SEMA5A: variants seen among roughly 807,000 people sequenced by gnomAD.
The protein encoded by SEMA5A is semaphorin-5A.
Under a neutral mutation model 135.5 loss-of-function variants are expected in SEMA5A, and 55 were observed. That is an observed-to-expected ratio of 0.41 (90% CI 0.33 to 0.51). The LOEUF (loss-of-function observed/expected upper bound fraction) is 0.51, where lower values mean the gene tolerates loss of function less well. SEMA5A is among the 20% of genes least tolerant of loss of function. SEMA5A has a pLI of 0.37. For missense variants in SEMA5A, 1,290 were observed against 1,419.9 expected (o/e 0.91, Z 1.47); for synonymous variants, 580 against 546.5 (o/e 1.06, Z -0.85).
At chr5:9,353,070 A>AAAGGAAAGG (rs1754204655) in intron 3 of SEMA5A, among the ~76,000 whole-genome samples, 1 of 18,150 alleles carries the variant, frequency 5.5e-5, no homozygotes, top group Non-Finnish European at 9.3e-5. Flanking sequence ...GAAGGAAAGG[A>AAAGGAAAGG]AAGGAAAGGA....
At chr5:9,154,826 A>C (rs1024299234) in intron 11 of SEMA5A, 131 bp from the exon 12 acceptor site, 6 of 764,430 alleles carry the variant, frequency 7.8e-6, no homozygotes, top group Non-Finnish European at 1.1e-5. Context: ...ATCCTTCAAA[A>C]ACAGTACACC....
At chr5:9,069,489 T>G (rs1013902015) in intron 16 of SEMA5A, among the ~76,000 whole-genome samples, 1 of 152,240 alleles carries the variant, frequency 6.6e-6, no homozygotes, top group Non-Finnish European at 1.5e-5. Context: ...AAGCAACTTG[T>G]GTGTCCATGC....
At chr5:9,407,194 C>T (rs564174151) in intron 2 of SEMA5A, among the ~76,000 whole-genome samples, 3 of 152,260 alleles carry the variant, frequency 2.0e-5, no homozygotes, top group Non-Finnish European at 2.9e-5. Flanking sequence ...CATTGAGGAC[C>T]ACTGCTGTAT....
At chr5:9,240,705 A>T (rs1327129435) in intron 5 of SEMA5A, among the ~76,000 whole-genome samples, 1 of 152,068 alleles carries the variant, frequency 6.6e-6, no homozygotes, top group East Asian at 1.9e-4. Flanking sequence ...TTCTAGATCC[A>T]TTCTAATGAA....
chr5:9,534,669 G>T (rs1737656091), intron 1 of SEMA5A, among the ~76,000 whole-genome samples: 1 of 152,126 alleles, frequency 6.6e-6, no homozygotes, highest in African/African-American at 2.4e-5. Context: ...TAAAGTGAAA[G>T]CAAGTTTATT....
intron 2 of SEMA5A, among the ~76,000 whole-genome samples, chr5:9,407,493 A>G (rs1756933213): frequency 1.3e-5 from 2 of 152,208 alleles, no homozygotes; most frequent in Non-Finnish European, 2.9e-5. Flanking sequence ...TGAAGTGAAC[A>G]TTGAAATTTA....
chr5:9,084,609 T>C lies in SEMA5A; in HGVS notation c.2074-17963A>G, dbSNP rs1208789609. On this transcript the variant is annotated intron_variant, in intron 16 of 22. Coordinates refer to ENST00000382496, the MANE Select transcript of SEMA5A (RefSeq NM_003966.3). ...GAGATATGCCTTTCACATTCCACCATAATTGTGAGGCCTCCCCAGCCACGT... is the reference window on the plus strand; with the variant it reads ...GAGATATGCCTTTCACATTCCACCACAATTGTGAGGCCTCCCCAGCCACGT... Among the ~76,000 whole-genome samples, 10 of 152,234 alleles carry C rather than the reference T, an allele frequency of 6.6e-5. 1 individual carries two copies. The highest frequency in any genetic ancestry group is 1.5e-4 in the Non-Finnish European group (10 of 68,040).
chr5:9,251,839 T>C (rs1174094292), intron 5 of SEMA5A, among the ~76,000 whole-genome samples: 1 of 152,194 alleles, frequency 6.6e-6, no homozygotes. Context: ...TGGCTGGTAC[T>C]CTTCTGCCCA....
intron 8 of SEMA5A, among the ~76,000 whole-genome samples, chr5:9,223,143 A>T (rs1182510449): frequency 6.6e-6 from 1 of 152,228 alleles, no homozygotes; most frequent in African/African-American, 2.4e-5. Flanking sequence ...GTTCAACAGA[A>T]ATGATGTTAA....
intron 5 of SEMA5A, among the ~76,000 whole-genome samples, chr5:9,283,391 C>A (rs909215943): frequency 1.3e-5 from 2 of 152,074 alleles, no homozygotes; most frequent in Non-Finnish European, 2.9e-5. Flanking sequence ...GAATGCCCAC[C>A]CCTGTCTGCC....
chr5:9,481,856 C>T (rs2126780191), intron 1 of SEMA5A, among the ~76,000 whole-genome samples: 1 of 152,284 alleles, frequency 6.6e-6, no homozygotes, highest in East Asian at 1.9e-4. Flanking sequence ...GAGCACATCC[C>T]TAACAGGGGG....
At chr5:9,208,967 A>T (rs1746199628) in intron 8 of SEMA5A, among the ~76,000 whole-genome samples, 1 of 152,150 alleles carries the variant, frequency 6.6e-6, no homozygotes, top group Non-Finnish European at 1.5e-5. Context: ...TTGCAGTAGG[A>T]GTGGAAAGAC....
chr5:9,251,580 T>C (rs1748788656), intron 5 of SEMA5A, among the ~76,000 whole-genome samples: 1 of 152,208 alleles, frequency 6.6e-6, no homozygotes, highest in Non-Finnish European at 1.5e-5. Flanking sequence ...AGATCAGCAC[T>C]ATGAGATTAA....
chr5:9,105,913 C>A (rs1245218504), intron 16 of SEMA5A, among the ~76,000 whole-genome samples: 1 of 152,234 alleles, frequency 6.6e-6, no homozygotes, highest in Non-Finnish European at 1.5e-5. Flanking sequence ...TTTAAATCAA[C>A]TTCTTAGGAA....
intron 3 of SEMA5A, among the ~76,000 whole-genome samples, chr5:9,338,626 T>C (rs960035758): frequency 2.6e-5 from 4 of 152,254 alleles, no homozygotes; most frequent in African/African-American, 7.2e-5. Context: ...ATCATTATCA[T>C]TGACAATTAA....
intron 1 of SEMA5A, among the ~76,000 whole-genome samples, chr5:9,488,415 C>T (rs1298681223): frequency 1.3e-5 from 2 of 152,174 alleles, no homozygotes; most frequent in Admixed American, 1.3e-4. Flanking sequence ...AAATATGCTG[C>T]CTTTCACATG....
chr5:9,149,868 G>A (rs930416724), intron 12 of SEMA5A, among the ~76,000 whole-genome samples: 1 of 152,214 alleles, frequency 6.6e-6, no homozygotes, highest in African/African-American at 2.4e-5. Flanking sequence ...GAGGTGGGAA[G>A]CCTATGAGTT....
chr5:9,200,113 G>C (rs1440893922), intron 9 of SEMA5A, among the ~76,000 whole-genome samples: 2 of 152,188 alleles, frequency 1.3e-5, no homozygotes, highest in Non-Finnish European at 2.9e-5. Context: ...TGAAATTTGA[G>C]TTGGGCATAT....
At position 9,221,403 on chromosome 5, in the gene SEMA5A, C is replaced by T. The variant is rs13178423; in HGVS notation, c.646+3271G>A. Reference sequence around the variant, plus strand: ...CTGCAAGCTCCGCCTCCCGGGTTCACACCATTCTCCTGCCTCAGCCTCCCG... The same window carrying T: ...CTGCAAGCTCCGCCTCCCGGGTTCATACCATTCTCCTGCCTCAGCCTCCCG... On this transcript the variant is annotated intron_variant, in intron 8 of 22. Coordinates refer to ENST00000382496, the MANE Select transcript of SEMA5A (RefSeq NM_003966.3). 9.6e-3 allele frequency among the ~76,000 whole-genome samples: 1,374 copies of T among 143,094 alleles called. 16 individuals carry two copies. The highest frequency in any genetic ancestry group is 0.016 in the Non-Finnish European group (990 of 63,134). 93.9% of individuals were successfully genotyped at this position (143,094 alleles called of 152,430 possible).
Sources: allele counts gnomAD v4.1 joint callset (sites outside exome capture counted in the v4.1 genomes callset), GRCh38; gene constraint gnomAD v4.1.1; transcripts MANE v1.5; gene names NCBI Gene and HGNC (gene_info 2026-07-23, HGNC 2026-07-21).